The following ADAMTS6 variants were observed in gnomAD, a reference collection of about 807,000 sequenced individuals.
ADAMTS6 encodes the protein ADAM metallopeptidase with thrombospondin type 1 motif 6.
ADAMTS6 carries 23 observed loss-of-function variants against 144.3 expected under a neutral mutation model. That is an observed-to-expected ratio of 0.16 (90% confidence interval 0.11 to 0.23). The LOEUF (loss-of-function observed/expected upper bound fraction) is 0.23, where lower values mean the gene tolerates loss of function less well. ADAMTS6 is among the 10% of genes least tolerant of loss of function. The pLI, the probability that ADAMTS6 is intolerant of heterozygous loss-of-function variation, is 1.00. For missense variants in ADAMTS6, 999 were observed against 1,379.6 expected, an observed-to-expected ratio of 0.72 and a Z score of 4.37; for synonymous variants, 444 against 457.5, an observed-to-expected ratio of 0.97 and a Z score of 0.38.
intron 7 of ADAMTS6, among the ~76,000 whole-genome samples, chr5:65,427,920 T>C (rs992263717): frequency 2.0e-5 from 3 of 151,434 alleles, no homozygotes; most frequent in African/African-American, 7.3e-5. Flanking sequence ...TAATCAAAAG[T>C]CTAATCATGA....
intron 21 of ADAMTS6, among the ~76,000 whole-genome samples, chr5:65,188,502 C>T (rs990391856): frequency 2.0e-5 from 3 of 152,096 alleles, no homozygotes; most frequent in African/African-American, 7.2e-5. Flanking sequence ...ATGAGGATAA[C>T]AATGATCAAT....
chr5:65,451,206 A>G (rs1758714478), intron 7 of ADAMTS6: 1 of 292,310 alleles, frequency 3.4e-6, no homozygotes, highest in Non-Finnish European at 6.3e-6. Context: ...CATGCTTTTG[A>G]TTAAATATTA....
Position 65,258,385 on chromosome 5 carries a change from C to T in ADAMTS6, c.1830+2215G>A, listed in dbSNP as rs184558899. 2.0e-4 allele frequency among the ~76,000 whole-genome samples: 31 copies of T among 152,136 alleles called. No individual in the cohort carries two copies. The East Asian group carries it at 4.3e-3, about 21-fold the overall frequency. ...ACCTATGTTGCTGGAGCAGAGATAA[C>T]GAGAAAGAAAATAGTAAGAGATGAG... On this transcript the variant is annotated intron_variant, in intron 14 of 24. Coordinates refer to ENST00000381055, the MANE Select transcript of ADAMTS6 (RefSeq NM_197941.4).
chr5:65,342,489 G>A (rs929000202), intron 7 of ADAMTS6, among the ~76,000 whole-genome samples: 3 of 152,042 alleles, frequency 2.0e-5, no homozygotes, highest in Admixed American at 6.6e-5. Context: ...TGGGAATTGT[G>A]GGAGCTAAAA....
intron 24 of ADAMTS6, among the ~76,000 whole-genome samples, chr5:65,159,526 T>C (rs1465603003): frequency 1.3e-5 from 2 of 152,216 alleles, no homozygotes; most frequent in Non-Finnish European, 2.9e-5. Flanking sequence ...AGGAATGCCC[T>C]GCATTTCAAT....
At chr5:65,440,213 G>A (rs1326082133) in intron 7 of ADAMTS6, among the ~76,000 whole-genome samples, 4 of 152,196 alleles carry the variant, frequency 2.6e-5, no homozygotes, top group Admixed American at 2.6e-4. Context: ...TAAAATGTTT[G>A]CCTGGGACTT....
At chr5:65,275,454 G>A (rs1391749658) in intron 11 of ADAMTS6, among the ~76,000 whole-genome samples, 1 of 150,748 alleles carries the variant, frequency 6.6e-6, no homozygotes, top group Non-Finnish European at 1.5e-5. Flanking sequence ...GAAAGAGAAA[G>A]AAAGAAAGAA....
chr5:65,324,060 C>T (rs961785711), intron 9 of ADAMTS6, among the ~76,000 whole-genome samples: 29 of 152,102 alleles, frequency 1.9e-4, no homozygotes, highest in African/African-American at 5.3e-4. Flanking sequence ...TTCTCCCATT[C>T]TGTAGGTTGC....
chr5:65,402,111 G>A (rs1158900954), intron 7 of ADAMTS6, among the ~76,000 whole-genome samples: 5 of 151,856 alleles, frequency 3.3e-5, no homozygotes, highest in African/African-American at 1.2e-4. Context: ...CTCTACCATC[G>A]CTCATCTTCC....
intron 23 of ADAMTS6, among the ~76,000 whole-genome samples, chr5:65,172,427 A>G (rs1270228589): frequency 6.6e-6 from 1 of 151,990 alleles, no homozygotes; most frequent in African/African-American, 2.4e-5. Flanking sequence ...AGAAAAAAAA[A>G]AAAGAGTAAT....
chr5:65,423,802 C>T lies in ADAMTS6; in HGVS notation c.1073+27673G>A, dbSNP rs370713221. Reference sequence around the variant, plus strand: ...AATGTAAACTATCAACACCATTTTGCCTACTATGCATTTTGCACTTTAATA... The same window carrying T: ...AATGTAAACTATCAACACCATTTTGTCTACTATGCATTTTGCACTTTAATA... On this transcript the variant is annotated intron_variant, in intron 7 of 24. Transcript: ENST00000381055. Among the ~76,000 whole-genome samples, 6 of 152,112 alleles carry T rather than the reference C, an allele frequency of 3.9e-5. No individual in the cohort carries two copies. The East Asian group carries it at 1.2e-3, about 29-fold the overall frequency.
intron 20 of ADAMTS6, among the ~76,000 whole-genome samples, chr5:65,199,775 A>G (rs958775068): frequency 1.3e-5 from 2 of 152,170 alleles, no homozygotes. Flanking sequence ...AAACCAAAGC[A>G]TTGTGTTTAT....
At chr5:65,183,134 C>T (rs1364163337) in intron 22 of ADAMTS6, among the ~76,000 whole-genome samples, 1 of 152,192 alleles carries the variant, frequency 6.6e-6, no homozygotes, top group Non-Finnish European at 1.5e-5. Flanking sequence ...TCTAGCAAGT[C>T]CTTCTGACCT....
rs929470945 is a variant in ADAMTS6, at chr5:65,226,131, C to T, written c.2022G>A (p.Gln674=). ...AGATATCCAGTGAATCCGCATTGCA[C>T]TGGGTCCCATCGATCACCGCAGGAG... ...ERAPAVIDGT[Q]CNADSLDICI... Residue 674 remains glutamine (Q), a synonymous_variant, in exon 16 of 25, where the codon CAG becomes CAA. Transcript: ENST00000381055. 6.8e-6 allele frequency: 11 copies of T among 1,613,582 alleles called. No homozygotes were observed. The African/African-American group carries it at 1.1e-4, about 16-fold the overall frequency.
At chr5:65,286,175 T>C (rs747218450) in intron 11 of ADAMTS6, among the ~76,000 whole-genome samples, 1 of 152,196 alleles carries the variant, frequency 6.6e-6, no homozygotes, top group Non-Finnish European at 1.5e-5. Context: ...TGCATGCTTG[T>C]CATACCTTTT....
chr5:65,334,722 C>G (rs1039407996), intron 7 of ADAMTS6, among the ~76,000 whole-genome samples: 7 of 152,226 alleles, frequency 4.6e-5, no homozygotes, highest in African/African-American at 1.7e-4. Context: ...TAATGTTGAT[C>G]AGATTTATTC....
At chr5:65,371,630 C>CA (rs1463220667) in intron 7 of ADAMTS6, among the ~76,000 whole-genome samples, 1 of 152,006 alleles carries the variant, frequency 6.6e-6, no homozygotes, top group Non-Finnish European at 1.5e-5. Context: ...GTGAAAAGAC[C>CA]AAATCTACGT....
rs1158327770 is a variant in ADAMTS6 at position 65,160,367 on chromosome 5, C to T, written c.3245-8422G>A. Among the ~76,000 whole-genome samples the T allele has an allele frequency of 4.0e-5, 6 of 149,838 alleles. 1 individual carries two copies. In the South Asian group the frequency reaches 8.4e-4, roughly 21 times the overall value. ...TGTCGCCCAGGCTGGAGTGCAGTGG[C>T]GCAATCTCGGCTCACTGCAAGCTCC... On this transcript the variant is annotated intron_variant, in intron 24 of 24. Transcript: ENST00000381055.
chr5:65,329,195 T>C (rs1169012904), intron 9 of ADAMTS6, among the ~76,000 whole-genome samples, 183 bp downstream of exon 9: 2 of 152,026 alleles, frequency 1.3e-5, no homozygotes, highest in African/African-American at 4.8e-5. Context: ...ATAACAAAGA[T>C]TATCTAACAA....
Sources: allele counts gnomAD v4.1 joint callset (sites outside exome capture counted in the v4.1 genomes callset), GRCh38; gene constraint gnomAD v4.1.1; transcripts MANE v1.5; gene names NCBI Gene and HGNC (gene_info 2026-07-23, HGNC 2026-07-21).